FKTN: variants seen among roughly 807,000 people sequenced by gnomAD.
The protein encoded by FKTN is ribitol-5-phosphate transferase FKTN.
In FKTN, 47 loss-of-function variants were observed where a neutral mutation model predicts 58.6. That is an observed-to-expected ratio of 0.80 (90% CI 0.63 to 1.02). FKTN has a LOEUF of 1.02. FKTN is among the 50% of genes least tolerant of loss of function. The probability of loss-of-function intolerance (pLI) is 0.00; values close to 1 mark genes in which losing one functional copy is unlikely to be tolerated. For synonymous variants in FKTN, 178 were observed against 191.9 expected, an observed-to-expected ratio of 0.93 and a Z score of 0.60; for missense variants, 516 against 537.3, an observed-to-expected ratio of 0.96 and a Z score of 0.39.
At chr9:105,613,264 A>G (rs965524166) in intron 7 of FKTN, among the ~76,000 whole-genome samples, 2 of 152,178 alleles carry the variant, frequency 1.3e-5, no homozygotes, top group African/African-American at 2.4e-5. Context: ...GGCTTTTCCT[A>G]CTACAACAAG....
intron 10 of FKTN, among the ~76,000 whole-genome samples, chr9:105,624,894 T>G (rs138818736): frequency 6.6e-6 from 1 of 152,216 alleles, no homozygotes; most frequent in Non-Finnish European, 1.5e-5. Flanking sequence ...CAAATCTGAG[T>G]TCTATTTTTT....
chr9:105,601,215 T>C lies in FKTN; in HGVS notation c.236T>C (p.Ile79Thr), dbSNP rs764212893. ...NVPVFLIDPLILELINKNFEQ... is the reference protein window; with the variant it reads ...NVPVFLIDPLTLELINKNFEQ... ...CCAGTGTTTCTTATTGATCCTTTGA[T>C]ACTGGAATTGATTAATAAGAACTTT... The change falls in exon 5 of 11, where the codon ATA becomes ACA. Residue 79 changes from isoleucine (I) to threonine (T), a missense_variant. Physicochemically the swap from Ile to Thr is moderately conservative, Grantham distance 89 (BLOSUM62 -1). Coordinates refer to ENST00000357998, the MANE Select transcript of FKTN (RefSeq NM_001079802.2). 2 of 1,609,338 alleles carry C rather than the reference T, an allele frequency of 1.2e-6. No individual in the cohort carries two copies. The highest frequency in any genetic ancestry group is 2.2e-5 in the South Asian group (2 of 90,946).
At chr9:105,624,213 G>T (rs924016822) in intron 10 of FKTN, 1 of 152,176 alleles carries the variant, frequency 6.6e-6, no homozygotes, top group Non-Finnish European at 1.5e-5. Flanking sequence ...TGTACTCACA[G>T]TCATTCATGA....
In FKTN at chr9:105,635,308, G is replaced by A; in HGVS notation, c.*44G>A. 6.2e-7 allele frequency: 1 copy of A among 1,613,244 alleles called. No homozygotes were observed. Among genetic ancestry groups the A allele is most frequent in the Non-Finnish European group, 8.5e-7 (1 of 1,179,582 alleles). Reference sequence around the variant, plus strand: ...GAGAATTTCTCTTTTGGAAAAAAAGGTAGATAACTGTTTAAAAAATACATG... The same window carrying A: ...GAGAATTTCTCTTTTGGAAAAAAAGATAGATAACTGTTTAAAAAATACATG... On this transcript the variant is annotated 3_prime_UTR_variant, in exon 11 of 11. Coordinates refer to ENST00000357998, the MANE Select transcript of FKTN (RefSeq NM_001079802.2).
In FKTN at chr9:105,638,616, C is replaced by G; in HGVS notation, c.*3352C>G. Reference sequence around the variant, plus strand: ...CTCTTTCCTTCCTAAGGGACCTTTCCCTGGTAGTAGTGGTCTCATTCACAA... The same window carrying G: ...CTCTTTCCTTCCTAAGGGACCTTTCGCTGGTAGTAGTGGTCTCATTCACAA... On this transcript the variant is annotated 3_prime_UTR_variant, in exon 11 of 11. Transcript: ENST00000357998. 1 of 985,186 alleles carries G rather than the reference C, an allele frequency of 1.0e-6. No homozygotes were observed. The highest frequency in any genetic ancestry group is 1.2e-6 in the Non-Finnish European group (1 of 829,784). The allele number at this position is 985,186 out of a possible 1,614,324, so 61.0% of individuals were successfully genotyped here.
In FKTN at chr9:105,636,081, A is replaced by G. The variant is rs903013764; in HGVS notation, c.*817A>G. The G allele has an allele frequency of 3.0e-6, 3 of 984,404 alleles. No homozygotes were observed. 61.0% of individuals were successfully genotyped at this position (984,404 alleles called of 1,614,324 possible). Reference sequence around the variant, plus strand: ...TGATCTTGAAAGAGGCCATGATTTCACAAAACTCATTTTTATTTTATTCTC... The same window carrying G: ...TGATCTTGAAAGAGGCCATGATTTCGCAAAACTCATTTTTATTTTATTCTC... On this transcript the variant is annotated 3_prime_UTR_variant, in exon 11 of 11. Coordinates refer to ENST00000357998, the MANE Select transcript of FKTN (RefSeq NM_001079802.2).
rs190511047 is a variant in FKTN, at chr9:105,570,956, C to A, written c.-180-2699C>A. ...AGGATGTATTCCAGGAATACTCATG[C>A]AAAAACCATAGACTATGTGAAGTGT... On this transcript the variant is annotated intron_variant, in intron 1 of 10. Transcript: ENST00000357998. Among the ~76,000 whole-genome samples, 188 of 152,210 alleles carry A rather than the reference C, an allele frequency of 1.2e-3. 1 individual carries two copies. Among genetic ancestry groups the A allele is most frequent in the Admixed American group, 3.5e-3 (53 of 15,286 alleles).
chr9:105,597,003 A>T (rs1051551347), intron 4 of FKTN, among the ~76,000 whole-genome samples: 7 of 152,342 alleles, frequency 4.6e-5, no homozygotes, highest in African/African-American at 1.7e-4. Flanking sequence ...TATATGAATC[A>T]GATTTATTTG....
chr9:105,609,539 G>A (rs1829535312), intron 7 of FKTN, among the ~76,000 whole-genome samples: 1 of 151,942 alleles, frequency 6.6e-6, no homozygotes, highest in Non-Finnish European at 1.5e-5. Context: ...AAAAAGATTC[G>A]ATTCAGAATC....
At chr9:105,625,610 T>C (rs1211190418) in intron 10 of FKTN, among the ~76,000 whole-genome samples, 1 of 152,034 alleles carries the variant, frequency 6.6e-6, no homozygotes, top group Non-Finnish European at 1.5e-5. Context: ...CCGGAAGAAA[T>C]GGTAAAAGAA....
At chr9:105,593,002 T>G (rs1275323769) in intron 3 of FKTN, among the ~76,000 whole-genome samples, 1 of 152,242 alleles carries the variant, frequency 6.6e-6, no homozygotes, top group Non-Finnish European at 1.5e-5. Context: ...GCAACACTGC[T>G]TTCCTGGTAC....
intron 5 of FKTN, 130 bp from the exon 6 acceptor site, chr9:105,604,085 G>C: frequency 2.2e-6 from 2 of 893,792 alleles, no homozygotes; most frequent in East Asian, 2.5e-5. Flanking sequence ...TGTTCTTACA[G>C]AGCAGATTAG....
At chr9:105,558,473 C>T (rs1436198041) in intron 1 of FKTN, among the ~76,000 whole-genome samples, 17 of 152,008 alleles carry the variant, frequency 1.1e-4, no homozygotes. Flanking sequence ...TTGTAGTAGC[C>T]GGGTTAGGGT....
At chr9:105,566,456 G>A (rs1046999124) in intron 1 of FKTN, among the ~76,000 whole-genome samples, 5 of 151,908 alleles carry the variant, frequency 3.3e-5, no homozygotes, top group African/African-American at 1.2e-4. Context: ...AATAAAAAAC[G>A]ATAAAGGGGA....
chr9:105,563,113 C>G (rs180969721), intron 1 of FKTN, among the ~76,000 whole-genome samples: 131 of 152,310 alleles, frequency 8.6e-4, no homozygotes, highest in Admixed American at 1.5e-3. Context: ...GTCTTTCATA[C>G]TAATACCTTC....
chr9:105,561,436 T>C (rs1279023599), intron 1 of FKTN, among the ~76,000 whole-genome samples: 1 of 152,128 alleles, frequency 6.6e-6, no homozygotes, highest in Non-Finnish European at 1.5e-5. Context: ...AATCAATTGA[T>C]GTTCACGTAA....
In FKTN at chr9:105,637,007, C is replaced by T; in HGVS notation, c.*1743C>T. 1.0e-6 allele frequency: 1 copy of T among 998,404 alleles called. No individual in the cohort carries two copies. The highest frequency in any genetic ancestry group is 1.2e-6 in the Non-Finnish European group (1 of 836,544). 61.8% of individuals were successfully genotyped at this position (998,404 alleles called of 1,614,324 possible). On this transcript the variant is annotated 3_prime_UTR_variant, in exon 11 of 11. Coordinates refer to ENST00000357998, the MANE Select transcript of FKTN (RefSeq NM_001079802.2). The stretch of plus-strand genomic sequence containing the variant: ...TTTAAGATTGTCAGCAAACTTGTCC[C>T]AAAATGGCACATCATCATAATCCAT...
At chr9:105,577,383 A>G (rs1841939188) in intron 3 of FKTN, among the ~76,000 whole-genome samples, 1 of 137,056 alleles carries the variant, frequency 7.3e-6, no homozygotes, top group Non-Finnish European at 1.5e-5. Flanking sequence ...AGCTTTCTAC[A>G]TATGGCTAGC....
rs1273553951 is a variant in FKTN, at chr9:105,615,331, G to A, written c.834G>A (p.Lys278=). The A allele has an allele frequency of 6.2e-7, 1 of 1,613,640 alleles. No homozygotes were observed. The highest frequency in any genetic ancestry group is 8.5e-7 in the Non-Finnish European group (1 of 1,179,646). The change falls in exon 8 of 11, where the codon AAG becomes AAA. Residue 278 remains lysine, a synonymous_variant. Coordinates refer to ENST00000357998, the MANE Select transcript of FKTN (RefSeq NM_001079802.2). ...CTGTGGCCTTTCGGAAGAGTGCAAA[G>A]GAATTACTGCAACTAGCAGCGAAAA... The part of the protein sequence containing the change: ...VEAVAFRKSA[K]ELLQLAAKTL...
Sources: allele counts gnomAD v4.1 joint callset (sites outside exome capture counted in the v4.1 genomes callset), GRCh38; gene constraint gnomAD v4.1.1; transcripts MANE v1.5; gene names NCBI Gene and HGNC (gene_info 2026-07-23, HGNC 2026-07-21).